Variants in CTNND2 observed in about 807,000 individuals in gnomAD.
The protein encoded by CTNND2 is catenin delta-2.
In CTNND2, 22 loss-of-function variants were observed where a neutral mutation model predicts 144.4. The ratio of observed to expected loss-of-function variants is 0.15; its 90% CI spans 0.11 to 0.22. The LOEUF (loss-of-function observed/expected upper bound fraction) is 0.22, where lower values mean the gene tolerates loss of function less well. Among genes scored for constraint, CTNND2 ranks in the 10% least tolerant of loss-of-function variants. The probability of loss-of-function intolerance (pLI) is 1.00; values close to 1 mark genes in which losing one functional copy is unlikely to be tolerated. For synonymous variants in CTNND2, 751 were observed against 695.6 expected (o/e 1.08, Z -1.25); for missense variants, 1,353 against 1,618.8 (o/e 0.84, Z 2.82).
intron 1 of CTNND2, among the ~76,000 whole-genome samples, chr5:11,817,560 G>T (rs1392351554): frequency 6.6e-6 from 1 of 151,798 alleles, no homozygotes; most frequent in Non-Finnish European, 1.5e-5. Context: ...AAGGAGAAAG[G>T]TAGTGAAGGG....
At chr5:11,291,529 C>T (rs1748350830) in intron 9 of CTNND2, among the ~76,000 whole-genome samples, 1 of 152,134 alleles carries the variant, frequency 6.6e-6, no homozygotes, top group Non-Finnish European at 1.5e-5. Context: ...CACACACTTG[C>T]ACATGACACT....
At chr5:11,673,357 C>G (rs577100187) in intron 2 of CTNND2, among the ~76,000 whole-genome samples, 1 of 152,100 alleles carries the variant, frequency 6.6e-6, no homozygotes, top group African/African-American at 2.4e-5. Context: ...GCTATTATTA[C>G]GCAGATGAAT....
intron 2 of CTNND2, among the ~76,000 whole-genome samples, chr5:11,701,321 G>C (rs1785422881): frequency 6.6e-6 from 1 of 152,190 alleles, no homozygotes; most frequent in African/African-American, 2.4e-5. Flanking sequence ...CACAGATAAT[G>C]GCTGCCTTTC....
chr5:11,779,134 G>C (rs1790410255), intron 1 of CTNND2, among the ~76,000 whole-genome samples: 1 of 152,168 alleles, frequency 6.6e-6, no homozygotes, highest in South Asian at 2.1e-4. Context: ...TCCGCCATAT[G>C]TTCTTGTTTC....
chr5:11,692,567 C>T (rs548785350), intron 2 of CTNND2, among the ~76,000 whole-genome samples: 2 of 152,264 alleles, frequency 1.3e-5, no homozygotes, highest in African/African-American at 2.4e-5. Context: ...AGAAGATAAA[C>T]GCCATTAGGT....
chr5:11,747,713 AAAAAC>A (rs1395563197), intron 1 of CTNND2, among the ~76,000 whole-genome samples: 6 of 152,168 alleles, frequency 3.9e-5, no homozygotes, highest in South Asian at 4.1e-4. Context: ...AATCTGGCAA[AAAAAC>A]AAAACAAAAC....
chr5:11,699,587 T>A (rs780096614), intron 2 of CTNND2, among the ~76,000 whole-genome samples: 1 of 151,990 alleles, frequency 6.6e-6, no homozygotes, highest in Non-Finnish European at 1.5e-5. Flanking sequence ...CTCGGGGATA[T>A]CATGAATTGC....
Position 11,543,401 on chromosome 5 carries a change from T to TA in CTNND2, c.287+21542dup, listed in dbSNP as rs986241790. ...CTGACTACATACAGGTATCTACAGA[T>TA]AAAAAGCAGTCTGATGTAGCTTGTA... On this transcript the variant is annotated intron_variant, in intron 3 of 21. Transcript: ENST00000304623. Among the ~76,000 whole-genome samples, 79 of 152,316 alleles carry TA rather than the reference T, an allele frequency of 5.2e-4. 1 individual carries two copies. Among genetic ancestry groups the TA allele is most frequent in the African/African-American group, 1.8e-3 (74 of 41,592 alleles).
intron 11 of CTNND2, among the ~76,000 whole-genome samples, chr5:11,162,684 C>T (rs1443010321): frequency 2.7e-5 from 4 of 148,316 alleles, no homozygotes; most frequent in Admixed American, 6.6e-5. Context: ...GTGGATGGAA[C>T]GCGGCAGATT....
At chr5:11,615,017 T>C (rs768427408) in intron 2 of CTNND2, among the ~76,000 whole-genome samples, 10 of 152,328 alleles carry the variant, frequency 6.6e-5, no homozygotes, top group South Asian at 2.1e-4. Flanking sequence ...TCTAGTAGAA[T>C]TTGAGTAGAT....
At chr5:11,043,162 A>G (rs932975804) in intron 16 of CTNND2, among the ~76,000 whole-genome samples, 3 of 152,040 alleles carry the variant, frequency 2.0e-5, no homozygotes, top group Admixed American at 1.3e-4. Context: ...ATTTCAAGAG[A>G]AATAACATGA....
intron 3 of CTNND2, among the ~76,000 whole-genome samples, chr5:11,451,053 T>A: frequency 6.6e-6 from 1 of 151,786 alleles, no homozygotes; most frequent in East Asian, 1.9e-4. Flanking sequence ...AATCATAACA[T>A]GCAAATGTAG....
chr5:11,797,866 G>A lies in CTNND2; in HGVS notation c.38-65594C>T, dbSNP rs576763266. 3.9e-5 allele frequency among the ~76,000 whole-genome samples: 6 copies of A among 152,274 alleles called. No individual in the cohort carries two copies. In the East Asian group the frequency reaches 1.2e-3, roughly 29 times the overall value. On this transcript the variant is annotated intron_variant, in intron 1 of 21. Transcript: ENST00000304623. Reference sequence around the variant, plus strand: ...GTTTCCTTTGCCCCTCTGTAACAATGCATGCAACAAAGCATGTTTTGTATG... The same window carrying A: ...GTTTCCTTTGCCCCTCTGTAACAATACATGCAACAAAGCATGTTTTGTATG...
rs1789166362 is a variant in CTNND2, at chr5:11,760,015, G to A, written c.38-27743C>T. 2.2e-5 allele frequency among the ~76,000 whole-genome samples: 3 copies of A among 138,252 alleles called. No individual in the cohort carries two copies. The Admixed American group carries it at 2.4e-4, about 11-fold the overall frequency. The allele number at this position is 138,252 out of a possible 152,430, so 90.7% of individuals were successfully genotyped here. A position where few individuals can be genotyped will look rare whatever the true frequency, so the allele number is the denominator to read the frequency against. ...AAATCATTCATGGACCACATACTTT[G>A]CCAGGTCCAGTACTTGGCATTGAGT... On this transcript the variant is annotated intron_variant, in intron 1 of 21. Transcript: ENST00000304623.
chr5:11,237,267 C>T (rs988269644), intron 9 of CTNND2, among the ~76,000 whole-genome samples: 2 of 152,150 alleles, frequency 1.3e-5, no homozygotes, highest in Non-Finnish European at 2.9e-5. Flanking sequence ...GATCCGCCCA[C>T]CTCGGCCTCC....
At chr5:11,730,476 G>A (rs1285257386) in intron 2 of CTNND2, among the ~76,000 whole-genome samples, 1 of 152,206 alleles carries the variant, frequency 6.6e-6, no homozygotes, top group South Asian at 2.1e-4. Context: ...TGAACCCTCA[G>A]TTATGTTTTA....
intron 1 of CTNND2, among the ~76,000 whole-genome samples, chr5:11,834,939 G>T (rs923866036): frequency 1.3e-5 from 2 of 152,168 alleles, no homozygotes; most frequent in African/African-American, 2.4e-5. Flanking sequence ...CTGGGAGTTT[G>T]AGCAGCCTGG....
intron 1 of CTNND2, among the ~76,000 whole-genome samples, chr5:11,811,651 C>A (rs1379823010): frequency 6.6e-6 from 1 of 152,098 alleles, no homozygotes; most frequent in Non-Finnish European, 1.5e-5. Flanking sequence ...GTGAATTAAG[C>A]TTCTGATCTA....
intron 1 of CTNND2, among the ~76,000 whole-genome samples, chr5:11,743,552 C>T (rs924316707): frequency 6.6e-6 from 1 of 152,106 alleles, no homozygotes; most frequent in African/African-American, 2.4e-5. Context: ...GAAGATCATG[C>T]AAGGATGGGA....
Sources: gnomAD v4.1 joint callset for allele counts (sites outside exome capture counted in the v4.1 genomes callset) on GRCh38, gnomAD v4.1.1 for gene constraint, MANE v1.5 for transcripts, NCBI Gene and HGNC (gene_info 2026-07-23, HGNC 2026-07-21) for gene names.